The following CNTNAP2 variants were observed in gnomAD, a reference collection of about 807,000 sequenced individuals.
CNTNAP2 encodes the protein contactin associated protein 2.
CNTNAP2 carries 98 observed loss-of-function variants against 155.2 expected under a neutral mutation model. That is an observed-to-expected ratio of 0.63 (90% CI 0.54 to 0.75). The LOEUF (loss-of-function observed/expected upper bound fraction) is 0.75, where lower values mean the gene tolerates loss of function less well. Among genes scored for constraint, CNTNAP2 ranks in the 30% least tolerant of loss-of-function variants. The pLI is 0.00. For missense variants in CNTNAP2, 1,727 were observed against 1,688.1 expected, an observed-to-expected ratio of 1.02 and a Z score of -0.40; for synonymous variants, 651 against 631.2, an observed-to-expected ratio of 1.03 and a Z score of -0.47.
intron 4 of CNTNAP2, among the ~76,000 whole-genome samples, chr7:147,054,792 G>C (rs1189487447): frequency 1.3e-5 from 2 of 152,044 alleles, no homozygotes; most frequent in African/African-American, 4.8e-5. Flanking sequence ...TTAGAAATCA[G>C]TGATTTTCAG....
chr7:147,271,911 A>G (rs984756982), intron 8 of CNTNAP2, among the ~76,000 whole-genome samples: 4 of 152,076 alleles, frequency 2.6e-5, no homozygotes, highest in Non-Finnish European at 4.4e-5. Context: ...ACTACTTTTG[A>G]GATGGAGTTT....
At chr7:146,684,639 C>CAAAAAAAAAAAAAAAAAAAAAAAA (rs3080477) in intron 1 of CNTNAP2, among the ~76,000 whole-genome samples, 2 of 63,514 alleles carry the variant, frequency 3.1e-5, no homozygotes, top group Non-Finnish European at 2.8e-5. Flanking sequence ...AGATCCAGCG[C>CAAAAAAAAAAAAAAAAAAAAAAAA]AAAAAAAAAA....
At chr7:147,780,996 T>G (rs1797653659) in intron 13 of CNTNAP2, among the ~76,000 whole-genome samples, 1 of 152,236 alleles carries the variant, frequency 6.6e-6, no homozygotes, top group Non-Finnish European at 1.5e-5. Flanking sequence ...AATATCACTT[T>G]CTGGGACAAA....
chr7:146,970,545 A>T (rs1797764935), intron 3 of CNTNAP2, among the ~76,000 whole-genome samples: 1 of 152,206 alleles, frequency 6.6e-6, no homozygotes, highest in African/African-American at 2.4e-5. Flanking sequence ...GGCAATCAAT[A>T]AAAAGTCAGG....
chr7:146,513,425 A>G (rs577641591), intron 1 of CNTNAP2, among the ~76,000 whole-genome samples: 51 of 151,926 alleles, frequency 3.4e-4, no homozygotes, highest in Admixed American at 1.9e-3. Flanking sequence ...TTTCTCTGGT[A>G]GTATGTTTTG....
chr7:148,099,818 C>T (rs920802700), intron 15 of CNTNAP2, among the ~76,000 whole-genome samples: 1 of 151,550 alleles, frequency 6.6e-6, no homozygotes, highest in African/African-American at 2.4e-5. Context: ...CCCTCCCATC[C>T]CTGTCAGGTC....
intron 14 of CNTNAP2, 94 bp downstream of exon 14, chr7:147,903,815 A>C (rs948241814): frequency 2.1e-6 from 3 of 1,426,564 alleles, no homozygotes; most frequent in Non-Finnish European, 2.9e-6. Flanking sequence ...AAGTGCTATA[A>C]TAATACGATA....
At chr7:147,979,178 T>G (rs1220098897) in intron 15 of CNTNAP2, among the ~76,000 whole-genome samples, 2 of 152,222 alleles carry the variant, frequency 1.3e-5, no homozygotes, top group Admixed American at 1.3e-4. Flanking sequence ...GACTTTGTAC[T>G]GATTTTTCTC....
intron 21 of CNTNAP2, among the ~76,000 whole-genome samples, chr7:148,374,756 T>C (rs1798952820): frequency 6.6e-6 from 1 of 152,224 alleles, no homozygotes; most frequent in Admixed American, 6.5e-5. Context: ...AGCAGGTCTG[T>C]TCATTCCCAG....
intron 8 of CNTNAP2, among the ~76,000 whole-genome samples, chr7:147,148,919 G>A (rs964112446): frequency 4.6e-5 from 7 of 152,222 alleles, no homozygotes; most frequent in Non-Finnish European, 7.3e-5. Context: ...GACCCTTGTG[G>A]TGGGTGTTAC....
chr7:146,614,878 T>G (rs1359456556), intron 1 of CNTNAP2, among the ~76,000 whole-genome samples: 7 of 152,206 alleles, frequency 4.6e-5, no homozygotes, highest in African/African-American at 1.7e-4. Context: ...AGTGGATTAT[T>G]TATTTTAAAT....
At chr7:147,712,697 G>A (rs189481875) in intron 13 of CNTNAP2, among the ~76,000 whole-genome samples, 2 of 152,242 alleles carry the variant, frequency 1.3e-5, no homozygotes, top group East Asian at 3.9e-4. Flanking sequence ...TGAACAATAA[G>A]AACACTTGGA....
At chr7:146,388,200 G>A (rs975862751) in intron 1 of CNTNAP2, among the ~76,000 whole-genome samples, 2 of 151,842 alleles carry the variant, frequency 1.3e-5, no homozygotes, top group African/African-American at 4.8e-5. Context: ...AGACGCTGAG[G>A]CAGGAGGATC....
At chr7:146,135,045 CT>C (rs1797776899) in intron 1 of CNTNAP2, among the ~76,000 whole-genome samples, 1 of 152,060 alleles carries the variant, frequency 6.6e-6, no homozygotes, top group Non-Finnish European at 1.5e-5. Flanking sequence ...TGGTCCTGGA[CT>C]CTTTTTTATA....
intron 6 of CNTNAP2, among the ~76,000 whole-genome samples, chr7:147,127,876 T>C (rs753484907): frequency 6.6e-6 from 1 of 152,146 alleles, no homozygotes; most frequent in Non-Finnish European, 1.5e-5. Flanking sequence ...TTGGCTTCAT[T>C]TACTACTAAT....
chr7:146,696,811 T>G (rs1800790002), intron 1 of CNTNAP2, among the ~76,000 whole-genome samples: 1 of 152,172 alleles, frequency 6.6e-6, no homozygotes, highest in Admixed American at 6.6e-5. Context: ...TGCAAATATT[T>G]TGGAATTTTC....
At chr7:146,530,937 A>G (rs1797760727) in intron 1 of CNTNAP2, among the ~76,000 whole-genome samples, 1 of 152,216 alleles carries the variant, frequency 6.6e-6, no homozygotes. Flanking sequence ...TGTGCGTCAC[A>G]CCACTATTCA....
At chr7:146,646,881 A>G (rs1413450211) in intron 1 of CNTNAP2, among the ~76,000 whole-genome samples, 7 of 152,194 alleles carry the variant, frequency 4.6e-5, no homozygotes, top group Non-Finnish European at 8.8e-5. Context: ...GAATGGGGAA[A>G]AAGAGCAAAA....
chr7:147,167,387 T>C (rs1010404210), intron 8 of CNTNAP2: 32 of 1,243,278 alleles, frequency 2.6e-5, no homozygotes, highest in Middle Eastern at 5.6e-4. Flanking sequence ...CTGCCAAACG[T>C]TACTACAACT....
Sources: gnomAD v4.1 joint callset for allele counts (sites outside exome capture counted in the v4.1 genomes callset) on GRCh38, gnomAD v4.1.1 for gene constraint, MANE v1.5 for transcripts, NCBI Gene and HGNC (gene_info 2026-07-23, HGNC 2026-07-21) for gene names.